The following ITGB5 variants were observed in gnomAD, a reference collection of about 807,000 sequenced individuals.
ITGB5 encodes integrin beta-5.
In ITGB5, 38 loss-of-function variants were observed where a neutral mutation model predicts 84.8. That is an observed-to-expected ratio of 0.45 (90% CI 0.35 to 0.59). ITGB5 has a LOEUF of 0.59. Among genes scored for constraint, ITGB5 ranks in the 20% least tolerant of loss-of-function variants. The pLI is 0.01. For synonymous variants in ITGB5, 393 were observed against 414.4 expected, an observed-to-expected ratio of 0.95 and a Z score of 0.63; for missense variants, 905 against 1,034.5, an observed-to-expected ratio of 0.87 and a Z score of 1.72.
At chr3:124,853,497 A>G (rs892272448) in intron 3 of ITGB5, among the ~76,000 whole-genome samples, 1 of 152,204 alleles carries the variant, frequency 6.6e-6, no homozygotes, top group African/African-American at 2.4e-5. Context: ...TCTGCCTCCA[A>G]GCCCAGGGCT....
At position 124,859,370 on chromosome 3, in the gene ITGB5, T is replaced by C. The variant is rs1405242865; in HGVS notation, c.233A>G (p.Glu78Gly). The C allele has an allele frequency of 1.2e-6, 2 of 1,614,022 alleles. No individual in the cohort carries two copies. Among genetic ancestry groups the C allele is most frequent in the South Asian group, 1.1e-5 (1 of 91,062 alleles). Reference protein sequence around the residue: ...ANLVKNGCGGEIESPASSFHV... With the variant: ...ANLVKNGCGGGIESPASSFHV... ...GAAGCTGCTGGCTGGGCTCTCTATC[T>C]CACCTCCACAGCCATTTTTGACAAG... The change falls in exon 3 of 15, where the codon GAG becomes GGG. Residue 78 changes from glutamate (E) to glycine (G), a missense_variant. Coordinates refer to ENST00000296181, the MANE Select transcript of ITGB5 (RefSeq NM_002213.5).
At chr3:124,888,426 G>A (rs1171423519), upstream of ITGB5, among the ~76,000 whole-genome samples, 1 of 152,168 alleles carries the variant, frequency 6.6e-6, no homozygotes, top group Non-Finnish European at 1.5e-5. Context: ...TCCTCAGATG[G>A]TGCAGGAAAG....
intron 1 of ITGB5, among the ~76,000 whole-genome samples, chr3:124,899,002 G>A (rs1471736232): frequency 1.3e-5 from 2 of 151,942 alleles, no homozygotes; most frequent in African/African-American, 4.8e-5. Context: ...TTGAACCAGG[G>A]AGGCGGAGGT....
rs1349466116 is a variant in ITGB5 at position 124,886,918 on chromosome 3, C to T, written c.70+13G>A. ...ACAAAGTTTCTCTGGGCGCCGTGGG[C>T]GGCGCGGCTTACCTGCGAGCCGGGG... On this transcript the variant is annotated intron_variant, in intron 1 of 14. Coordinates refer to ENST00000296181, the MANE Select transcript of ITGB5 (RefSeq NM_002213.5). 1.3e-5 allele frequency: 16 copies of T among 1,210,380 alleles called. No homozygotes were observed. Among genetic ancestry groups the T allele is most frequent in the Non-Finnish European group, 1.6e-5 (16 of 973,708 alleles). 75.0% of individuals were successfully genotyped at this position (1,210,380 alleles called of 1,614,324 possible). A position where few individuals can be genotyped will look rare whatever the true frequency, so the allele number is the denominator to read the frequency against.
Position 124,766,363 on chromosome 3 carries a change from G to C in ITGB5, c.2018-18C>G. The C allele has an allele frequency of 6.2e-7, 1 of 1,613,422 alleles. No individual in the cohort carries two copies. The highest frequency in any genetic ancestry group is 8.5e-7 in the Non-Finnish European group (1 of 1,179,626). On this transcript the variant is annotated intron_variant, in intron 12 of 14. Transcript: ENST00000296181. ...ATCTTTCACTGGAAGAAAACCAAGC[G>C]GGAATGGCCTGAGTCTCTCTGAGCA...
At chr3:124,856,761 C>T (rs1041556825) in intron 3 of ITGB5, among the ~76,000 whole-genome samples, 3 of 152,182 alleles carry the variant, frequency 2.0e-5, no homozygotes, top group African/African-American at 7.2e-5. Context: ...GGGTCTATAA[C>T]AACTCCTATA....
At chr3:124,817,750 G>C in intron 7 of ITGB5, 40 bp from the exon 8 acceptor site, 1 of 1,221,406 alleles carries the variant, frequency 8.2e-7, no homozygotes, top group Non-Finnish European at 1.2e-6. Context: ...AGTTCATTTT[G>C]CCCTGCCAAC....
Position 124,796,724 on chromosome 3 carries a change from G to T in ITGB5, c.1357C>A (p.Leu453Met). The T allele has an allele frequency of 6.2e-7, 1 of 1,614,158 alleles. No individual in the cohort carries two copies. The highest frequency in any genetic ancestry group is 8.5e-7 in the Non-Finnish European group (1 of 1,180,044). Residue 453 changes from leucine (L) to methionine (M), a missense_variant, in exon 10 of 15, where the codon CTG becomes ATG. Leu to Met is a conservative substitution (Grantham distance 15). Around this residue, in one of 3 missense-constraint regions of ITGB5, gnomAD observed 656 missense variants for 734.7 expected, o/e 0.89. Transcript: ENST00000296181. The stretch of plus-strand genomic sequence containing the variant: ...CAGTTGTAGGTGACCCCCACCTCCA[G>T]GCTGTCCCGGAATCCCACCGGCCGC... ...ALRPVGFRDS[L>M]EVGVTYNCTC...
At chr3:124,782,013 G>A (rs1345268383) in intron 10 of ITGB5, among the ~76,000 whole-genome samples, 1 of 152,166 alleles carries the variant, frequency 6.6e-6, no homozygotes, top group African/African-American at 2.4e-5. Context: ...AGAAATGTAT[G>A]TTGTACTTCA....
intron 4 of ITGB5, among the ~76,000 whole-genome samples, chr3:124,845,967 C>T (rs2065071559): frequency 6.6e-6 from 1 of 152,204 alleles, no homozygotes. Flanking sequence ...TAGTAATAGT[C>T]CCTGTGGCCA....
At chr3:124,814,632 T>A (rs891212759) in intron 8 of ITGB5, among the ~76,000 whole-genome samples, 2 of 151,986 alleles carry the variant, frequency 1.3e-5, no homozygotes, top group Non-Finnish European at 2.9e-5. Context: ...TTTCACAAAA[T>A]TTTTGGTCTC....
In ITGB5 at chr3:124,848,373, C is replaced by A; in HGVS notation, c.547G>T (p.Val183Phe). 1.2e-6 allele frequency: 2 copies of A among 1,614,132 alleles called. No homozygotes were observed. The highest frequency in any genetic ancestry group is 1.7e-6 in the Non-Finnish European group (2 of 1,180,022). ...SNFRLGFGSF[V>F]DKDISPFSYT... ...GAGAAAGGAGAGATGTCCTTATCAA[C>A]AAAAGACCCAAATCCCAACCGGAAG... Residue 183 changes from valine (V) to phenylalanine (F), a missense_variant, in exon 4 of 15, where the codon GTT (valine) becomes TTT (phenylalanine). Coordinates refer to ENST00000296181, the MANE Select transcript of ITGB5 (RefSeq NM_002213.5).
At chr3:124,803,285 C>T (rs886482515) in intron 9 of ITGB5, among the ~76,000 whole-genome samples, 2 of 152,116 alleles carry the variant, frequency 1.3e-5, no homozygotes, top group African/African-American at 2.4e-5. Flanking sequence ...GTGTGGGAAA[C>T]GCATGCACTG....
intron 1 of ITGB5, among the ~76,000 whole-genome samples, chr3:124,877,029 A>G (rs11717274): frequency 0.18 from 27,404 of 151,302 alleles, 2,491 homozygotes; most frequent in South Asian, 0.21. Context: ...AGAGTGCAGT[A>G]GTGTGATCAT....
chr3:124,815,295 T>C (rs962954535), intron 8 of ITGB5, among the ~76,000 whole-genome samples: 2 of 152,216 alleles, frequency 1.3e-5, no homozygotes, highest in Non-Finnish European at 2.9e-5. Flanking sequence ...TGATGCCCTC[T>C]GATATCAAAG....
intron 3 of ITGB5, among the ~76,000 whole-genome samples, chr3:124,848,961 G>A (rs1379197809): frequency 6.6e-6 from 1 of 151,892 alleles, no homozygotes; most frequent in East Asian, 1.9e-4. Flanking sequence ...TGCATTTTTA[G>A]TAGAGACGGG....
intron 3 of ITGB5, among the ~76,000 whole-genome samples, chr3:124,857,570 A>G (rs550663284): frequency 3.3e-5 from 5 of 152,314 alleles, no homozygotes; most frequent in African/African-American, 7.2e-5. Flanking sequence ...GCTACTGCCA[A>G]TGGTTTCCTA....
At chr3:124,844,414 G>C (rs555229942) in intron 4 of ITGB5, among the ~76,000 whole-genome samples, 54 of 152,176 alleles carry the variant, frequency 3.5e-4, no homozygotes, top group African/African-American at 1.3e-3. Context: ...ACAAAAATTA[G>C]CTGGGCATGG....
Position 124,848,291 on chromosome 3 carries a change from G to A in ITGB5, c.611+18C>T. 2 of 1,611,728 alleles carry A rather than the reference G, an allele frequency of 1.2e-6. No individual in the cohort carries two copies. Among genetic ancestry groups the A allele is most frequent in the Non-Finnish European group, 1.7e-6 (2 of 1,178,116 alleles). ...TCCCACCCTTAAGTACCCAACAGAAGGGCAACTGGTCACTTACCCAATGCA... is the reference window on the plus strand; with the variant it reads ...TCCCACCCTTAAGTACCCAACAGAAAGGCAACTGGTCACTTACCCAATGCA... On this transcript the variant is annotated intron_variant, in intron 4 of 14. Transcript: ENST00000296181.
Sources: allele counts gnomAD v4.1 joint callset (sites outside exome capture counted in the v4.1 genomes callset), GRCh38; gene constraint gnomAD v4.1.1; regional missense constraint gnomAD v4.1.1; transcripts MANE v1.5; gene names NCBI Gene and HGNC (gene_info 2026-07-23, HGNC 2026-07-21).